SNX24: variants seen among roughly 807,000 people sequenced by gnomAD.
The protein encoded by SNX24 is sorting nexin-24.
A neutral mutation model predicts 28.7 loss-of-function variants in SNX24; 22 were observed. The ratio of observed to expected loss-of-function variants is 0.77; its 90% CI spans 0.55 to 1.10. The LOEUF is 1.10. SNX24 is among the 50% of genes least tolerant of loss of function. The probability of loss-of-function intolerance (pLI) is 0.00; values close to 1 mark genes in which losing one functional copy is unlikely to be tolerated. For missense variants in SNX24, 221 were observed against 201.1 expected, an observed-to-expected ratio of 1.10 and a Z score of -0.60; for synonymous variants, 69 against 71.5, an observed-to-expected ratio of 0.96 and a Z score of 0.18.
intron 1 of SNX24, among the ~76,000 whole-genome samples, chr5:122,917,096 G>A (rs1374681182): frequency 2.0e-5 from 3 of 151,980 alleles, no homozygotes; most frequent in African/African-American, 4.8e-5. Context: ...GTGAAACTCC[G>A]TCTCTACTAA....
At chr5:122,873,145 TG>T in intron 1 of SNX24, among the ~76,000 whole-genome samples, 1 of 152,112 alleles carries the variant, frequency 6.6e-6, no homozygotes, top group Non-Finnish European at 1.5e-5. Context: ...TTTTATTTTT[TG>T]TATTTTTTTC....
At chr5:122,853,597 G>A (rs1327563531) in intron 1 of SNX24, 1 of 293,332 alleles carries the variant, frequency 3.4e-6, no homozygotes, top group Non-Finnish European at 7.1e-6. Flanking sequence ...TGTTTTCATT[G>A]AGCTAGAAAT....
intron 1 of SNX24, among the ~76,000 whole-genome samples, chr5:122,880,289 T>TA (rs397816432): frequency 2.7e-4 from 2 of 7,380 alleles, no homozygotes; most frequent in Non-Finnish European, 3.5e-4. Context: ...GGCAGCTTTG[T>TA]CTAATTGCAT....
intron 3 of SNX24, among the ~76,000 whole-genome samples, chr5:122,992,479 GT>G (rs748747229): frequency 6.6e-6 from 1 of 151,954 alleles, no homozygotes; most frequent in South Asian, 2.1e-4. Flanking sequence ...TTCCTTAAGG[GT>G]TTTTTTAATG....
intron 1 of SNX24, among the ~76,000 whole-genome samples, chr5:122,915,123 T>A (rs1242295141): frequency 1.3e-5 from 2 of 152,230 alleles, no homozygotes; most frequent in Non-Finnish European, 2.9e-5. Flanking sequence ...CTGAAAAATC[T>A]GAAATCTGAA....
chr5:122,921,188 T>C, intron 1 of SNX24, among the ~76,000 whole-genome samples: 1 of 152,158 alleles, frequency 6.6e-6, no homozygotes. Context: ...ATATCTTTCC[T>C]ACTCTCCGCT....
At chr5:122,903,704 T>A (rs1253118870) in intron 1 of SNX24, among the ~76,000 whole-genome samples, 1 of 152,190 alleles carries the variant, frequency 6.6e-6, no homozygotes, top group Non-Finnish European at 1.5e-5. Flanking sequence ...TAAGTTTTGG[T>A]TTACTGTGGT....
intron 1 of SNX24, among the ~76,000 whole-genome samples, chr5:122,921,035 A>AT (rs775121496): frequency 2.4e-4 from 37 of 152,098 alleles, no homozygotes; most frequent in Admixed American, 1.3e-3. Flanking sequence ...CAATATTGGC[A>AT]TTTTTTTCTC....
chr5:122,968,981 T>A (rs768804577), intron 3 of SNX24, among the ~76,000 whole-genome samples: 4 of 152,092 alleles, frequency 2.6e-5, no homozygotes, highest in Admixed American at 6.6e-5. Context: ...CTAAATATGT[T>A]AGGGTTCTTT....
rs1419901514 is a variant in SNX24 at position 122,862,390 on chromosome 5, C to T, written c.60+16697C>T. Reference sequence around the variant, plus strand: ...CAGCACTTTGGGAGGCCGAGGCAGGCGGATCACGAGGTCAGGAGATCGAGA... The same window carrying T: ...CAGCACTTTGGGAGGCCGAGGCAGGTGGATCACGAGGTCAGGAGATCGAGA... On this transcript the variant is annotated intron_variant, in intron 1 of 6. Transcript: ENST00000261369. Among the ~76,000 whole-genome samples, 5 of 151,812 alleles carry T rather than the reference C, an allele frequency of 3.3e-5. No homozygotes were observed. The East Asian group carries it at 5.8e-4, about 18-fold the overall frequency.
In SNX24 at chr5:122,936,729, C is replaced by T. The variant is rs370380612; in HGVS notation, c.61-5C>T. The T allele has an allele frequency of 9.1e-6, 14 of 1,535,120 alleles. No individual in the cohort carries two copies. The highest frequency in any genetic ancestry group is 3.4e-5 in the Admixed American group (2 of 58,398). On this transcript the variant is annotated splice_region_variant and splice_polypyrimidine_tract_variant and intron_variant, in intron 1 of 6. Coordinates refer to ENST00000261369, the MANE Select transcript of SNX24 (RefSeq NM_014035.4). ...TATAATTAATCTTTTAAATTTTTTC[C>T]TCAGGTGTTTAAGATAGAAGTGCTA...
chr5:122,913,139 C>T (rs1434879876), intron 1 of SNX24, among the ~76,000 whole-genome samples: 4 of 152,220 alleles, frequency 2.6e-5, no homozygotes, highest in African/African-American at 7.2e-5. Flanking sequence ...AGCAACCATC[C>T]GATTTCTCAA....
chr5:122,886,036 A>G (rs154496), intron 1 of SNX24, among the ~76,000 whole-genome samples: 117,578 of 152,074 alleles, frequency 0.77, 46,424 homozygotes, highest in East Asian at 0.99. Context: ...CCCGCGGCCC[A>G]GGGGTTGAGG....
chr5:122,904,867 A>G (rs1165631132), intron 1 of SNX24, among the ~76,000 whole-genome samples: 4 of 152,146 alleles, frequency 2.6e-5, no homozygotes, highest in Non-Finnish European at 5.9e-5. Flanking sequence ...CTTTAGACCC[A>G]TGTGAAAGGA....
chr5:123,022,474 T>TC (rs1333590030), intron 5 of SNX24: 1 of 152,774 alleles, frequency 6.5e-6, no homozygotes, highest in African/African-American at 2.4e-5. Context: ...CCCATTAGTT[T>TC]TTTTTTTTTT....
Position 123,018,717 on chromosome 5 carries a change from C to T in SNX24, n.384-10521C>T, listed in dbSNP as rs182119522. Among the ~76,000 whole-genome samples the T allele has an allele frequency of 4.2e-4, 64 of 151,850 alleles. No homozygotes were observed. The East Asian group carries it at 0.012, about 28-fold the overall frequency. The stretch of plus-strand genomic sequence containing the variant: ...TTTTTTTTCCTTTGACACAGAGTCT[C>T]GCTCTGTTGCCCAGGCTGGAGTGCA... On this transcript the variant is annotated intron_variant and non_coding_transcript_variant, in intron 5 of 5. Coordinates refer to the SNX24 transcript ENST00000502387.
chr5:123,001,846 C>T (rs955148496), intron 5 of SNX24, 94 bp from the exon 6 acceptor site: 86 of 1,022,232 alleles, frequency 8.4e-5, no homozygotes, highest in Middle Eastern at 4.1e-4. Context: ...GAGACGTCCC[C>T]GCACAGCAGT....
intron 4 of SNX24, among the ~76,000 whole-genome samples, chr5:123,000,215 C>T (rs1233711904): frequency 6.6e-6 from 1 of 152,190 alleles, no homozygotes; most frequent in African/African-American, 2.4e-5. Flanking sequence ...GGCCATGGTT[C>T]GGTAACCCAT....
intron 3 of SNX24, among the ~76,000 whole-genome samples, chr5:122,968,767 T>C (rs962510757): frequency 6.6e-6 from 1 of 152,152 alleles, no homozygotes; most frequent in Non-Finnish European, 1.5e-5. Context: ...TTATCACTAC[T>C]CATATTAGAA....
Sources: gnomAD v4.1 joint callset for allele counts (sites outside exome capture counted in the v4.1 genomes callset) on GRCh38, gnomAD v4.1.1 for gene constraint, MANE v1.5 for transcripts, NCBI Gene and HGNC (gene_info 2026-07-23, HGNC 2026-07-21) for gene names.